PLA2G12B: variants seen among roughly 807,000 people sequenced by gnomAD.
PLA2G12B encodes group XIIB secretory phospholipase A2-like protein.
In PLA2G12B, 19 loss-of-function variants were observed where a neutral mutation model predicts 22.3. That is an observed-to-expected ratio of 0.85 (90% CI 0.60 to 1.25). The LOEUF is 1.25. Among genes scored for constraint, PLA2G12B ranks in the 50% most tolerant of loss-of-function variants. PLA2G12B has a pLI of 0.00. For synonymous variants in PLA2G12B, 81 were observed against 94.9 expected (o/e 0.85, Z 0.85); for missense variants, 191 against 246.6 (o/e 0.77, Z 1.51).
chr10:72,935,504 T>TCCAACA lies in PLA2G12B; in HGVS notation c.*112_*113insTGTTGG. The TCCAACA allele has an allele frequency of 6.9e-7, 1 of 1,450,642 alleles. No homozygotes were observed. The highest frequency in any genetic ancestry group is 1.4e-5 in the South Asian group (1 of 73,664). The allele number at this position is 1,450,642 out of a possible 1,614,324, so 89.9% of individuals were successfully genotyped here. ...GAAAAATGTTCCCTTTCTCCTGCTT[T>TCCAACA]GTGGTGTCCAAACTGTTGGAAGAAC... On this transcript the variant is annotated 3_prime_UTR_variant, in exon 4 of 4. Transcript: ENST00000373032.
intron 3 of PLA2G12B, among the ~76,000 whole-genome samples, chr10:72,938,815 C>T (rs113472571): frequency 3.7e-4 from 57 of 152,292 alleles, no homozygotes; most frequent in African/African-American, 1.1e-3. Context: ...AATTGACAAG[C>T]AGTTCCTAAA....
At chr10:72,949,370 C>T (rs982132603) in intron 1 of PLA2G12B, among the ~76,000 whole-genome samples, 27 of 152,242 alleles carry the variant, frequency 1.8e-4, no homozygotes, top group African/African-American at 6.0e-4. Flanking sequence ...ATACTGAATT[C>T]GACCATATTA....
At chr10:72,945,301 G>C (rs1846422130) in intron 1 of PLA2G12B, among the ~76,000 whole-genome samples, 1 of 152,102 alleles carries the variant, frequency 6.6e-6, no homozygotes, top group African/African-American at 2.4e-5. Context: ...CATGATTTCT[G>C]TCTTGGGCTC....
chr10:72,944,444 A>C (rs1204764107), intron 1 of PLA2G12B, among the ~76,000 whole-genome samples: 1 of 152,194 alleles, frequency 6.6e-6, no homozygotes, highest in African/African-American at 2.4e-5. Flanking sequence ...AATTTTTTTG[A>C]ATTTGTAGAA....
intron 2 of PLA2G12B, among the ~76,000 whole-genome samples, chr10:72,941,731 G>A (rs1429014216): frequency 2.6e-5 from 4 of 151,924 alleles, no homozygotes; most frequent in Non-Finnish European, 5.9e-5. Context: ...AGGATTCTAC[G>A]GCTAAGAAGT....
At chr10:72,950,936 C>T (rs1209467689) in intron 1 of PLA2G12B, among the ~76,000 whole-genome samples, 3 of 152,190 alleles carry the variant, frequency 2.0e-5, no homozygotes, top group African/African-American at 7.2e-5. Flanking sequence ...GTTGTTCCCT[C>T]GAGGGACTTC....
At chr10:72,941,432 G>T in intron 2 of PLA2G12B, 98 bp from the exon 3 acceptor site, 6 of 1,215,734 alleles carry the variant, frequency 4.9e-6, no homozygotes, top group Non-Finnish European at 5.8e-6. Context: ...TAACTAGCTG[G>T]TTCTCACATT....
In PLA2G12B at chr10:72,935,198, C is replaced by A. The variant is rs1846261499; in HGVS notation, c.*419G>T. On this transcript the variant is annotated 3_prime_UTR_variant, in exon 4 of 4. Transcript: ENST00000373032. ...CTTTCCAAATGTTCTAAAAAGTACA[C>A]TTTATTAAATGTGAGAAGCTTACTG... 6.3e-6 allele frequency: 1 copy of A among 158,418 alleles called. No individual in the cohort carries two copies. Among genetic ancestry groups the A allele is most frequent in the African/African-American group, 2.4e-5 (1 of 41,576 alleles). 9.8% of individuals were successfully genotyped at this position (158,418 alleles called of 1,614,324 possible). A position where few individuals can be genotyped will look rare whatever the true frequency, so the allele number is the denominator to read the frequency against.
At chr10:72,935,786 G>T in intron 3 of PLA2G12B, 48 bp from the exon 4 acceptor site, 1 of 1,594,992 alleles carries the variant, frequency 6.3e-7, no homozygotes, top group South Asian at 1.1e-5. Context: ...GAGTAATTTT[G>T]AAGAGTATTT....
intron 1 of PLA2G12B, among the ~76,000 whole-genome samples, chr10:72,944,108 C>G (rs1846404897): frequency 6.7e-6 from 1 of 149,906 alleles, no homozygotes; most frequent in Admixed American, 6.7e-5. Context: ...TTTCTCCTTC[C>G]TTCCTTCTTC....
At position 72,954,745 on chromosome 10, in the gene PLA2G12B, C is replaced by T; in HGVS notation, c.-60G>A. ...AACCCCAGCCAGTGTCCCAGAATTC[C>T]AGGGACAAACCCCCTACCCAGATGT... On this transcript the variant is annotated 5_prime_UTR_variant, in exon 1 of 4. Coordinates refer to ENST00000373032, the MANE Select transcript of PLA2G12B (RefSeq NM_032562.5). The T allele has an allele frequency of 6.4e-7, 1 of 1,568,336 alleles. No individual in the cohort carries two copies. The highest frequency in any genetic ancestry group is 8.7e-7 in the Non-Finnish European group (1 of 1,146,196).
intron 1 of PLA2G12B, among the ~76,000 whole-genome samples, chr10:72,945,520 T>C (rs1180199191): frequency 1.3e-5 from 2 of 152,296 alleles, no homozygotes; most frequent in East Asian, 3.9e-4. Flanking sequence ...TGAGCCAGAA[T>C]CGCCCAGCAA....
At chr10:72,936,225 G>A (rs1383361837) in intron 3 of PLA2G12B, among the ~76,000 whole-genome samples, 1 of 152,108 alleles carries the variant, frequency 6.6e-6, no homozygotes, top group African/African-American at 2.4e-5. Context: ...GAGACAAAAG[G>A]CATCCTCAAC....
At chr10:72,936,250 G>A (rs934589819) in intron 3 of PLA2G12B, among the ~76,000 whole-genome samples, 2 of 152,206 alleles carry the variant, frequency 1.3e-5, no homozygotes, top group African/African-American at 2.4e-5. Context: ...GTACTCCACA[G>A]TTTGGATAAA....
chr10:72,941,388 T>C, intron 2 of PLA2G12B, 54 bp from the exon 3 acceptor site: 1 of 1,552,856 alleles, frequency 6.4e-7, no homozygotes, highest in Non-Finnish European at 8.8e-7. Context: ...ACGTTTAGAC[T>C]AAGGACCTTA....
At chr10:72,953,847 C>T (rs998040856) in intron 1 of PLA2G12B, among the ~76,000 whole-genome samples, 2 of 152,224 alleles carry the variant, frequency 1.3e-5, no homozygotes, top group African/African-American at 4.8e-5. Context: ...ACGAACCCTT[C>T]CTCTCCACAG....
intron 1 of PLA2G12B, among the ~76,000 whole-genome samples, chr10:72,947,677 C>T (rs1336901493): frequency 6.6e-6 from 1 of 152,194 alleles, no homozygotes; most frequent in Non-Finnish European, 1.5e-5. Context: ...CAAGGTAGAC[C>T]TTGTGCCCAT....
At chr10:72,947,222 G>A (rs1846458384) in intron 1 of PLA2G12B, among the ~76,000 whole-genome samples, 1 of 151,800 alleles carries the variant, frequency 6.6e-6, no homozygotes, top group African/African-American at 2.4e-5. Context: ...ACTGTGCCCT[G>A]CTTCTTTTCA....
chr10:72,938,977 G>A (rs1413516979), intron 3 of PLA2G12B, among the ~76,000 whole-genome samples: 4 of 152,204 alleles, frequency 2.6e-5, no homozygotes, highest in Non-Finnish European at 2.9e-5. Flanking sequence ...ATAGAATTGC[G>A]CATCTAGAAA....
Sources: gnomAD v4.1 joint callset for allele counts (sites outside exome capture counted in the v4.1 genomes callset) on GRCh38, gnomAD v4.1.1 for gene constraint, MANE v1.5 for transcripts, NCBI Gene and HGNC (gene_info 2026-07-23, HGNC 2026-07-21) for gene names.